DENND5B: variants seen among roughly 807,000 people sequenced by gnomAD.
DENND5B encodes the protein DENN domain-containing protein 5B.
A neutral mutation model predicts 140.6 loss-of-function variants in DENND5B; 34 were observed. That is an observed-to-expected ratio of 0.24 (90% confidence interval 0.18 to 0.32). The LOEUF is 0.32. Ranked by LOEUF, DENND5B falls within the 10% of genes least tolerant of loss-of-function variation. The pLI is 1.00. For synonymous variants in DENND5B, 551 were observed against 562.1 expected (o/e 0.98, Z 0.28); for missense variants, 1,142 against 1,560.2 (o/e 0.73, Z 4.52).
intron 3 of DENND5B, among the ~76,000 whole-genome samples, chr12:31,462,749 A>G (rs923302462): frequency 1.3e-5 from 2 of 152,186 alleles, no homozygotes; most frequent in Admixed American, 6.6e-5. Flanking sequence ...ACCTGAGGTC[A>G]GAAGTTAGAG....
At chr12:31,474,811 T>C (rs1945716732) in intron 3 of DENND5B, among the ~76,000 whole-genome samples, 1 of 152,224 alleles carries the variant, frequency 6.6e-6, no homozygotes, top group Non-Finnish European at 1.5e-5. Flanking sequence ...TGAAATATTT[T>C]TCTCTAATAG....
At chr12:31,528,294 A>G (rs1273833234) in intron 1 of DENND5B, among the ~76,000 whole-genome samples, 1 of 152,158 alleles carries the variant, frequency 6.6e-6, no homozygotes, top group Non-Finnish European at 1.5e-5. Context: ...CATCACTCCA[A>G]ACTCTGCCTG....
At chr12:31,505,503 T>C (rs1210369861) in intron 1 of DENND5B, among the ~76,000 whole-genome samples, 1 of 152,134 alleles carries the variant, frequency 6.6e-6, no homozygotes, top group Non-Finnish European at 1.5e-5. Flanking sequence ...TCCCAAGTGC[T>C]GGGATTACAG....
At chr12:31,517,245 T>C (rs1947695267) in intron 1 of DENND5B, among the ~76,000 whole-genome samples, 1 of 152,256 alleles carries the variant, frequency 6.6e-6, no homozygotes, top group African/African-American at 2.4e-5. Flanking sequence ...CCCACGGTGA[T>C]TCCTTTTTTC....
chr12:31,569,059 CCTTT>C (rs1949725761), intron 1 of DENND5B, among the ~76,000 whole-genome samples: 1 of 117,464 alleles, frequency 8.5e-6, no homozygotes, highest in African/African-American at 3.6e-5. Context: ...CAGCAACATA[CCTTT>C]TTTTTTTTTT....
At chr12:31,579,378 G>C (rs1950131774) in intron 1 of DENND5B, among the ~76,000 whole-genome samples, 1 of 152,194 alleles carries the variant, frequency 6.6e-6, no homozygotes, top group African/African-American at 2.4e-5. Flanking sequence ...AAAAGTAATG[G>C]AGGCCAGGCG....
At chr12:31,584,426 T>C (rs984041755) in intron 1 of DENND5B, among the ~76,000 whole-genome samples, 8 of 152,230 alleles carry the variant, frequency 5.3e-5, no homozygotes, top group Non-Finnish European at 1.0e-4. Context: ...TTATTTCCAG[T>C]AGATTTCCAA....
intron 3 of DENND5B, among the ~76,000 whole-genome samples, chr12:31,466,315 T>C (rs1475928282): frequency 6.6e-6 from 1 of 151,238 alleles, no homozygotes; most frequent in African/African-American, 2.4e-5. Context: ...ATTGCAACAC[T>C]GCACTCCAGC....
chr12:31,432,897 C>A (rs1008674667), intron 8 of DENND5B: 3 of 372,990 alleles, frequency 8.0e-6, no homozygotes, highest in Non-Finnish European at 1.4e-5. Context: ...AAAATTTATC[C>A]TCAACTTGAT....
intron 1 of DENND5B, among the ~76,000 whole-genome samples, chr12:31,583,225 G>A (rs1183098847): frequency 6.6e-6 from 1 of 151,890 alleles, no homozygotes; most frequent in African/African-American, 2.4e-5. Flanking sequence ...CCGGGAGGCG[G>A]AGATTGCAGT....
intron 3 of DENND5B, among the ~76,000 whole-genome samples, chr12:31,478,521 A>T (rs1945924166): frequency 6.6e-6 from 1 of 152,118 alleles, no homozygotes; most frequent in Admixed American, 6.6e-5. Flanking sequence ...AGGGCAAGAC[A>T]GTGACAGTCC....
intron 1 of DENND5B, among the ~76,000 whole-genome samples, chr12:31,532,930 C>T (rs939078931): frequency 6.6e-6 from 1 of 152,166 alleles, no homozygotes; most frequent in Non-Finnish European, 1.5e-5. Flanking sequence ...TGGGTTCAGA[C>T]ATTATAAACA....
chr12:31,519,564 C>T (rs1469931271), intron 1 of DENND5B, among the ~76,000 whole-genome samples: 2 of 152,020 alleles, frequency 1.3e-5, no homozygotes, highest in African/African-American at 4.8e-5. Flanking sequence ...TTGTTAGTAA[C>T]TTTCACAAGT....
intron 3 of DENND5B, among the ~76,000 whole-genome samples, chr12:31,472,219 T>C (rs1482404574): frequency 1.3e-5 from 2 of 152,216 alleles, no homozygotes; most frequent in Non-Finnish European, 2.9e-5. Context: ...GTCAAAGGAC[T>C]CAACCCAGCA....
chr12:31,536,374 T>C (rs1256028656), intron 1 of DENND5B, among the ~76,000 whole-genome samples: 1 of 152,032 alleles, frequency 6.6e-6, no homozygotes, highest in Non-Finnish European at 1.5e-5. Context: ...CAAAGAGATT[T>C]AAATAATTAA....
chr12:31,435,394 G>C (rs923887819), intron 7 of DENND5B, among the ~76,000 whole-genome samples: 1 of 151,862 alleles, frequency 6.6e-6, no homozygotes, highest in African/African-American at 2.4e-5. Context: ...TTGCATCCTT[G>C]ACCAATTCTC....
In DENND5B at chr12:31,422,355, G is replaced by A. The variant is rs950111928; in HGVS notation, c.2470+1242C>T. 1.2e-4 allele frequency among the ~76,000 whole-genome samples: 18 copies of A among 152,052 alleles called. No homozygotes were observed. In the South Asian group the frequency reaches 1.2e-3, roughly 11 times the overall value. Reference sequence around the variant, plus strand: ...TGAGGCAGGAGAATGGCATGAACCCGGGAGGTGGAGCTTGCAGTGAGCCGA... The same window carrying A: ...TGAGGCAGGAGAATGGCATGAACCCAGGAGGTGGAGCTTGCAGTGAGCCGA... On this transcript the variant is annotated intron_variant, in intron 11 of 20. Coordinates refer to ENST00000389082, the MANE Select transcript of DENND5B (RefSeq NM_144973.4).
At chr12:31,496,926 T>C (rs1565638462) in intron 1 of DENND5B, among the ~76,000 whole-genome samples, 2 of 152,152 alleles carry the variant, frequency 1.3e-5, no homozygotes, top group Non-Finnish European at 2.9e-5. Context: ...ACAATTTTAT[T>C]GTGTTGTGTG....
chr12:31,549,935 T>C (rs1173857721), intron 1 of DENND5B, among the ~76,000 whole-genome samples: 3 of 152,168 alleles, frequency 2.0e-5, no homozygotes, highest in Non-Finnish European at 2.9e-5. Context: ...CATGCATGCA[T>C]CTTTGTAACA....
Sources: gnomAD v4.1 joint callset for allele counts (sites outside exome capture counted in the v4.1 genomes callset) on GRCh38, gnomAD v4.1.1 for gene constraint, MANE v1.5 for transcripts, NCBI Gene and HGNC (gene_info 2026-07-23, HGNC 2026-07-21) for gene names.